KCNT2: variants seen among roughly 807,000 people sequenced by gnomAD.
KCNT2 encodes the protein potassium sodium-activated channel subfamily T member 2.
Under a neutral mutation model 153.8 loss-of-function variants are expected in KCNT2, and 67 were observed. The observed-to-expected ratio is 0.44, with a 90% CI of 0.36 to 0.53. The LOEUF (loss-of-function observed/expected upper bound fraction) is 0.53, where lower values mean the gene tolerates loss of function less well. Among genes scored for constraint, KCNT2 ranks in the 20% least tolerant of loss-of-function variants. KCNT2 has a pLI of 0.00. For synonymous variants in KCNT2, 500 were observed against 458.8 expected (o/e 1.09, Z -1.15); for missense variants, 975 against 1,354.8 (o/e 0.72, Z 4.40).
intron 1 of KCNT2, among the ~76,000 whole-genome samples, chr1:196,500,922 A>T (rs1481420574): frequency 6.6e-6 from 1 of 152,158 alleles, no homozygotes; most frequent in East Asian, 1.9e-4. Context: ...AAGGCATACA[A>T]ATGTATGCAG....
intron 8 of KCNT2, among the ~76,000 whole-genome samples, chr1:196,441,718 T>C (rs1675249717): frequency 6.6e-6 from 1 of 151,794 alleles, no homozygotes; most frequent in Non-Finnish European, 1.5e-5. Context: ...AGCCTGTGGG[T>C]TATTACTATT....
At chr1:196,430,308 G>A (rs1674027210) in intron 8 of KCNT2, among the ~76,000 whole-genome samples, 1 of 151,834 alleles carries the variant, frequency 6.6e-6, no homozygotes, top group South Asian at 2.1e-4. Context: ...AGGTGTTTAG[G>A]TCATAAGGGC....
At chr1:196,462,018 A>G (rs1406642283) in intron 8 of KCNT2, among the ~76,000 whole-genome samples, 1 of 151,780 alleles carries the variant, frequency 6.6e-6, no homozygotes, top group Non-Finnish European at 1.5e-5. Flanking sequence ...ATTACAATGT[A>G]CATATTACAA....
At chr1:196,407,360 C>CA (rs2148469415) in intron 12 of KCNT2, among the ~76,000 whole-genome samples, 1 of 151,458 alleles carries the variant, frequency 6.6e-6, no homozygotes, top group Non-Finnish European at 1.5e-5. Flanking sequence ...AAAAATTTAC[C>CA]AAAAATTATT....
intron 1 of KCNT2, among the ~76,000 whole-genome samples, chr1:196,567,142 G>T (rs573724810): frequency 6.6e-6 from 1 of 151,974 alleles, no homozygotes; most frequent in African/African-American, 2.4e-5. Flanking sequence ...TAATTACCAT[G>T]GTCCATTATA....
chr1:196,439,269 C>G (rs139102254), intron 8 of KCNT2, among the ~76,000 whole-genome samples: 241 of 151,774 alleles, frequency 1.6e-3, no homozygotes, highest in African/African-American at 5.2e-3. Flanking sequence ...GTATTTTTTT[C>G]TAAAATTCAG....
At chr1:196,406,796 G>C (rs1032969591) in intron 12 of KCNT2, among the ~76,000 whole-genome samples, 1 of 151,340 alleles carries the variant, frequency 6.6e-6, no homozygotes, top group Non-Finnish European at 1.5e-5. Context: ...CTCAGGGACT[G>C]TAATTCTGCT....
At chr1:196,518,050 G>T (rs1371022821) in intron 1 of KCNT2, among the ~76,000 whole-genome samples, 4 of 152,132 alleles carry the variant, frequency 2.6e-5, no homozygotes, top group Admixed American at 1.3e-4. Context: ...ACCCCATGAG[G>T]CTAACAGTGG....
intron 1 of KCNT2, among the ~76,000 whole-genome samples, chr1:196,558,594 C>G (rs930289972): frequency 6.6e-6 from 1 of 151,222 alleles, no homozygotes; most frequent in Non-Finnish European, 1.5e-5. Context: ...GCCAGGAAAA[C>G]GAAACAAAAA....
chr1:196,412,405 T>C (rs1405103877), intron 12 of KCNT2, among the ~76,000 whole-genome samples: 1 of 151,758 alleles, frequency 6.6e-6, no homozygotes, highest in Non-Finnish European at 1.5e-5. Context: ...ATTTTTTGAA[T>C]GAATACAGGA....
intron 27 of KCNT2, among the ~76,000 whole-genome samples, chr1:196,231,898 C>T (rs1407025144): frequency 6.6e-6 from 1 of 151,800 alleles, no homozygotes; most frequent in African/African-American, 2.4e-5. Flanking sequence ...CTAAGAAAGT[C>T]ATGTTCCAAG....
chr1:196,430,360 G>A (rs1674032895), intron 8 of KCNT2, among the ~76,000 whole-genome samples: 1 of 150,808 alleles, frequency 6.6e-6, no homozygotes. Context: ...CCTGGGAATG[G>A]GCTCCCTCAC....
chr1:196,413,639 G>T (rs1341977504), intron 12 of KCNT2, among the ~76,000 whole-genome samples: 2 of 151,516 alleles, frequency 1.3e-5, no homozygotes, highest in Admixed American at 1.3e-4. Flanking sequence ...CATTAATCTA[G>T]AATAGTCAGA....
At chr1:196,577,111 T>C (rs1429418147) in intron 1 of KCNT2, among the ~76,000 whole-genome samples, 2 of 152,156 alleles carry the variant, frequency 1.3e-5, no homozygotes, top group African/African-American at 4.8e-5. Flanking sequence ...TGTAAGAATG[T>C]ACAATATAAT....
At chr1:196,303,477 C>T (rs914805285) in intron 22 of KCNT2, among the ~76,000 whole-genome samples, 3 of 152,066 alleles carry the variant, frequency 2.0e-5, no homozygotes, top group Non-Finnish European at 4.4e-5. Flanking sequence ...CTGAAATTAC[C>T]TTCCACAATT....
At chr1:196,353,669 G>A (rs1184762146) in intron 14 of KCNT2, among the ~76,000 whole-genome samples, 1 of 151,952 alleles carries the variant, frequency 6.6e-6, no homozygotes, top group Non-Finnish European at 1.5e-5. Context: ...CAAGGCAAAT[G>A]GGTATTTATT....
chr1:196,320,552 G>C lies in KCNT2; in HGVS notation c.2277-997C>G, dbSNP rs893424443. 2.0e-5 allele frequency among the ~76,000 whole-genome samples: 3 copies of C among 151,600 alleles called. No homozygotes were observed. In the East Asian group the frequency reaches 5.8e-4, roughly 29 times the overall value. On this transcript the variant is annotated intron_variant, in intron 19 of 27. Transcript: ENST00000294725. Reference sequence around the variant, plus strand: ...AGTAGGAGTTTGTTCAGCATATGAGGAGGAGAAGAAAATTCTAGGCCAAGA... The same window carrying C: ...AGTAGGAGTTTGTTCAGCATATGAGCAGGAGAAGAAAATTCTAGGCCAAGA...
intron 1 of KCNT2, among the ~76,000 whole-genome samples, chr1:196,536,024 A>T (rs1394932420): frequency 6.6e-6 from 1 of 152,228 alleles, no homozygotes; most frequent in Non-Finnish European, 1.5e-5. Flanking sequence ...AGGCAGGGAC[A>T]CATGCCCACA....
At chr1:196,328,705 T>C (rs1664133517) in intron 18 of KCNT2, among the ~76,000 whole-genome samples, 2 of 149,376 alleles carry the variant, frequency 1.3e-5, no homozygotes, top group Non-Finnish European at 3.0e-5. Context: ...CTTTCAAGAA[T>C]GAGACCAAAA....
Sources: gnomAD v4.1 joint callset for allele counts (sites outside exome capture counted in the v4.1 genomes callset) on GRCh38, gnomAD v4.1.1 for gene constraint, MANE v1.5 for transcripts, NCBI Gene and HGNC (gene_info 2026-07-23, HGNC 2026-07-21) for gene names.